Variants in CTNNA2 observed in about 807,000 individuals in gnomAD.
CTNNA2 encodes catenin alpha 2.
A neutral mutation model predicts 101.0 loss-of-function variants in CTNNA2; 42 were observed. The observed-to-expected ratio is 0.42, with a 90% CI of 0.32 to 0.54. The LOEUF (loss-of-function observed/expected upper bound fraction) is 0.54. Among genes scored for constraint, CTNNA2 ranks in the 20% least tolerant of loss-of-function variants. The probability of loss-of-function intolerance (pLI) is 0.14; values close to 1 mark genes in which losing one functional copy is unlikely to be tolerated. For synonymous variants in CTNNA2, 450 were observed against 456.4 expected (o/e 0.99, Z 0.18); for missense variants, 871 against 1,223.1 (o/e 0.71, Z 4.29).
At chr2:80,527,946 G>A (rs1206453167) in intron 9 of CTNNA2, among the ~76,000 whole-genome samples, 2 of 152,118 alleles carry the variant, frequency 1.3e-5, no homozygotes, top group East Asian at 1.9e-4. Context: ...GTGGGTCCCA[G>A]GCATCAATAT....
intron 7 of CTNNA2, among the ~76,000 whole-genome samples, chr2:80,291,830 C>A (rs1408556971): frequency 6.6e-6 from 1 of 152,142 alleles, no homozygotes; most frequent in Non-Finnish European, 1.5e-5. Flanking sequence ...GTGCACATGG[C>A]CACGTGTATT....
At chr2:79,563,744 ATTATG>A (rs1674936500) in intron 1 of CTNNA2, among the ~76,000 whole-genome samples, 1 of 152,182 alleles carries the variant, frequency 6.6e-6, no homozygotes, top group Non-Finnish European at 1.5e-5. Flanking sequence ...CTAACTCATA[ATTATG>A]TTATGTGGAA....
At position 79,917,821 on chromosome 2, in the gene CTNNA2, C is replaced by T. The variant is rs188589002; in HGVS notation, c.1056+8024C>T. Among the ~76,000 whole-genome samples the T allele has an allele frequency of 1.1e-4, 16 of 152,122 alleles. No homozygotes were observed. In the East Asian group the frequency reaches 2.5e-3, roughly 24 times the overall value. Reference sequence around the variant, plus strand: ...AATCATGACAGGGAGAGTGTGAGAGCTTGTGTCAGGTTCAGGTGTTGCCCA... The same window carrying T: ...AATCATGACAGGGAGAGTGTGAGAGTTTGTGTCAGGTTCAGGTGTTGCCCA... On this transcript the variant is annotated intron_variant, in intron 7 of 18. Transcript: ENST00000402739.
intron 9 of CTNNA2, among the ~76,000 whole-genome samples, chr2:80,422,101 T>C (rs1680576732): frequency 6.6e-6 from 1 of 152,188 alleles, no homozygotes. Flanking sequence ...CAAGACTGGG[T>C]AATTTATAAA....
intron 2 of CTNNA2, among the ~76,000 whole-genome samples, chr2:79,308,354 C>T (rs1676293439): frequency 6.6e-6 from 1 of 152,070 alleles, no homozygotes; most frequent in African/African-American, 2.4e-5. Flanking sequence ...CCCATTTGTC[C>T]ATTTTTAAAT....
At chr2:79,491,142 G>A (rs957224857) in intron 4 of CTNNA2, among the ~76,000 whole-genome samples, 1 of 152,156 alleles carries the variant, frequency 6.6e-6, no homozygotes, top group Non-Finnish European at 1.5e-5. Flanking sequence ...TGCCTACTCT[G>A]TACAGGTCTG....
chr2:80,547,451 A>G (rs932031477), intron 11 of CTNNA2, among the ~76,000 whole-genome samples: 1 of 152,134 alleles, frequency 6.6e-6, no homozygotes, highest in African/African-American at 2.4e-5. Flanking sequence ...CAGAAACTCT[A>G]TAATTCTCAA....
chr2:80,027,107 G>A (rs776453689), intron 7 of CTNNA2, among the ~76,000 whole-genome samples: 20 of 152,184 alleles, frequency 1.3e-4, no homozygotes, highest in Non-Finnish European at 8.8e-5. Flanking sequence ...TCAAAGCACA[G>A]TGATGAATCA....
rs185359871 is a variant in CTNNA2 at position 79,847,518 on chromosome 2, G to C, written c.299-10495G>C. Among the ~76,000 whole-genome samples the C allele has an allele frequency of 4.3e-5, 6 of 138,130 alleles. No homozygotes were observed. The Admixed American group carries it at 4.5e-4, about 10-fold the overall frequency. The allele number at this position is 138,130 out of a possible 152,430, so 90.6% of individuals were successfully genotyped here. A position where few individuals can be genotyped will look rare whatever the true frequency, so the allele number is the denominator to read the frequency against. ...AGATCATGCCACTGCACTCCAGCCT[G>C]GGTGACAGAGTGAGACTCTGTCTCA... On this transcript the variant is annotated intron_variant, in intron 3 of 18. Transcript: ENST00000402739.
intron 2 of CTNNA2, among the ~76,000 whole-genome samples, chr2:79,730,929 G>T (rs1687157618): frequency 6.6e-6 from 1 of 151,902 alleles, no homozygotes; most frequent in South Asian, 2.1e-4. Context: ...TTTATTTGAT[G>T]CAATGAGGTT....
intron 2 of CTNNA2, among the ~76,000 whole-genome samples, chr2:79,232,012 G>A (rs1283865488): frequency 6.6e-6 from 1 of 152,142 alleles, no homozygotes; most frequent in Admixed American, 6.5e-5. Context: ...AAGAGAGATA[G>A]ATTAACTTGT....
chr2:80,185,304 C>A (rs991215231), intron 7 of CTNNA2, among the ~76,000 whole-genome samples: 1 of 152,146 alleles, frequency 6.6e-6, no homozygotes, highest in Non-Finnish European at 1.5e-5. Flanking sequence ...TCAGACTGAG[C>A]GAGTCAGAGG....
chr2:79,322,903 A>G (rs1004846421), intron 3 of CTNNA2, among the ~76,000 whole-genome samples: 1 of 152,204 alleles, frequency 6.6e-6, no homozygotes, highest in Non-Finnish European at 1.5e-5. Flanking sequence ...GGCTTTCACT[A>G]GTGAGGCATT....
At chr2:79,597,397 A>G (rs1369479782) in intron 1 of CTNNA2, among the ~76,000 whole-genome samples, 1 of 151,240 alleles carries the variant, frequency 6.6e-6, no homozygotes, top group Non-Finnish European at 1.5e-5. Flanking sequence ...GTGTGAACCC[A>G]GGAGGCGGAG....
chr2:79,550,603 A>G (rs1674038241), intron 1 of CTNNA2, among the ~76,000 whole-genome samples: 1 of 152,240 alleles, frequency 6.6e-6, no homozygotes, highest in African/African-American at 2.4e-5. Flanking sequence ...CCCCTGTTGT[A>G]TGACCATTAC....
chr2:79,262,520 G>C lies in CTNNA2; in HGVS notation c.-405-50189G>C, dbSNP rs375942456. On this transcript the variant is annotated intron_variant, in intron 2 of 21. Transcript: ENST00000466387. ...ATTATTCTTAAAACTAGAAAATATA[G>C]AGAAAAAAAAAACTAGGCTTGAGAT... is the stretch of plus-strand genomic sequence containing the variant. Among the ~76,000 whole-genome samples the C allele has an allele frequency of 1.1e-4, 16 of 151,304 alleles. No homozygotes were observed. The East Asian group carries it at 1.9e-3, about 18-fold the overall frequency.
chr2:80,059,755 C>G (rs1469485821), intron 7 of CTNNA2, among the ~76,000 whole-genome samples: 1 of 152,216 alleles, frequency 6.6e-6, no homozygotes, highest in Non-Finnish European at 1.5e-5. Flanking sequence ...CCACTCTGCT[C>G]TCCATCACCA....
intron 3 of CTNNA2, among the ~76,000 whole-genome samples, chr2:79,816,636 C>A (rs1182822584): frequency 6.6e-6 from 1 of 152,110 alleles, no homozygotes; most frequent in Admixed American, 6.6e-5. Flanking sequence ...TGAAAATAAT[C>A]CCCTGAAAAT....
intron 7 of CTNNA2, chr2:80,301,945 CT>C: frequency 3.8e-6 from 1 of 264,036 alleles, no homozygotes; most frequent in Non-Finnish European, 7.0e-6. Context: ...TGATTGGTAC[CT>C]TTTTTACACT....
Sources: gnomAD v4.1 joint callset for allele counts (sites outside exome capture counted in the v4.1 genomes callset) on GRCh38, gnomAD v4.1.1 for gene constraint, MANE v1.5 for transcripts, NCBI Gene and HGNC (gene_info 2026-07-23, HGNC 2026-07-21) for gene names.